TARS3: variants seen among roughly 807,000 people sequenced by gnomAD.
The protein encoded by TARS3 is threonyl-tRNA synthetase 3.
A neutral mutation model predicts 103.5 loss-of-function variants in TARS3; 94 were observed. The observed-to-expected ratio is 0.91, with a 90% CI of 0.77 to 1.08. TARS3 has a LOEUF of 1.08. TARS3 is among the 50% of genes least tolerant of loss of function. TARS3 has a pLI of 0.00. For synonymous variants in TARS3, 416 were observed against 355.4 expected (o/e 1.17, Z -1.92); for missense variants, 952 against 995.2 (o/e 0.96, Z 0.58).
chr15:101,721,152 C>T lies in TARS3; in HGVS notation c.540G>A (p.Thr180=), dbSNP rs756633863. 46 of 1,599,230 alleles carry T rather than the reference C, an allele frequency of 2.9e-5. No individual in the cohort carries two copies. Among genetic ancestry groups the T allele is most frequent in the Admixed American group, 3.3e-5 (2 of 59,808 alleles). Residue 180 remains threonine, a synonymous_variant, in exon 3 of 19, where the codon ACG becomes ACA. Coordinates refer to ENST00000335968, the MANE Select transcript of TARS3 (RefSeq NM_152334.3). ...QTVQGEVWKT[T]PYQVAAEISQ... is the part of the protein sequence containing the mutation. ...TAATTTCAGCAGCCACTTGGTAAGG[C>T]GTTGTTTTCCAGACTTCCCCTTGCA...
chr15:101,656,916 A>T lies in TARS3; in HGVS notation c.2260+6T>A. ...ATTTGGAAAAATATATACAAACTTAAATTACCCAAAATAAAATTATACTGA... is the reference window on the plus strand; with the variant it reads ...ATTTGGAAAAATATATACAAACTTATATTACCCAAAATAAAATTATACTGA... On this transcript the variant is annotated splice_donor_region_variant and intron_variant, in intron 18 of 18. Transcript: ENST00000335968. 6.3e-7 allele frequency: 1 copy of T among 1,578,972 alleles called. No individual in the cohort carries two copies. The highest frequency in any genetic ancestry group is 8.7e-7 in the Non-Finnish European group (1 of 1,155,510).
intron 18 of TARS3, among the ~76,000 whole-genome samples, chr15:101,655,454 T>C (rs1224788760): frequency 1.7e-3 from 175 of 102,826 alleles, no homozygotes; most frequent in Middle Eastern, 0.017. Flanking sequence ...TCACAGTGAC[T>C]CCACCTGGCA....
chr15:101,712,906 G>A (rs1899938869), intron 4 of TARS3, among the ~76,000 whole-genome samples: 1 of 152,250 alleles, frequency 6.6e-6, no homozygotes, highest in African/African-American at 2.4e-5. Flanking sequence ...AATAGGCTGG[G>A]ATATGATTTG....
intron 12 of TARS3, 48 bp from the exon 13 acceptor site, chr15:101,675,785 T>C: frequency 6.4e-7 from 1 of 1,557,396 alleles, no homozygotes; most frequent in Non-Finnish European, 8.8e-7. Flanking sequence ...CAAATTCATT[T>C]ATGTTTTAAA....
At position 101,724,281 on chromosome 15, in the gene TARS3, T is replaced by C. The variant is rs970589704; in HGVS notation, c.107A>G (p.Gln36Arg). 6 of 1,573,872 alleles carry C rather than the reference T, an allele frequency of 3.8e-6. No individual in the cohort carries two copies. In the South Asian group the frequency reaches 7.0e-5, roughly 18 times the overall value. ...CTGGCAGCTGTAGGGCGCGTTCAGC[T>C]GCTCGTCCCTCAGGCGCTCGACCTC... ...WSEVERLRDE[Q>R]LNAPYSCQAE... is the part of the protein sequence containing the mutation. The change falls in exon 1 of 19, where the codon CAG becomes CGG. Residue 36 changes from glutamine to arginine, a missense_variant. Gln to Arg is a conservative substitution (Grantham distance 43). This residue lies in a region of TARS3 where 412 missense variants were observed against 364.2 expected (regional missense o/e 1.13). Coordinates refer to ENST00000335968, the MANE Select transcript of TARS3 (RefSeq NM_152334.3).
intron 12 of TARS3, among the ~76,000 whole-genome samples, chr15:101,682,018 T>C (rs1898273798): frequency 1.3e-5 from 2 of 152,234 alleles, no homozygotes; most frequent in African/African-American, 4.8e-5. Flanking sequence ...TTTTCTAAAT[T>C]CACCTTACTT....
chr15:101,663,432 A>G (rs1007771335), intron 15 of TARS3, among the ~76,000 whole-genome samples: 2 of 152,252 alleles, frequency 1.3e-5, no homozygotes, highest in South Asian at 4.1e-4. Context: ...GGCCTATGCC[A>G]TCTAGGTTTG....
intron 10 of TARS3, among the ~76,000 whole-genome samples, chr15:101,691,189 T>A (rs1022673827): frequency 1.3e-5 from 2 of 152,036 alleles, no homozygotes; most frequent in South Asian, 4.1e-4. Context: ...TCCACCCGCC[T>A]CAGCCTCCCA....
At chr15:101,677,383 C>T (rs1898071082) in intron 12 of TARS3, among the ~76,000 whole-genome samples, 1 of 152,172 alleles carries the variant, frequency 6.6e-6, no homozygotes, top group South Asian at 2.1e-4. Flanking sequence ...GACACTGGAG[C>T]TCCTGGTTCT....
At chr15:101,685,427 C>T (rs865963310) in intron 11 of TARS3, among the ~76,000 whole-genome samples, 61 of 152,086 alleles carry the variant, frequency 4.0e-4, no homozygotes, top group Middle Eastern at 3.4e-3. Flanking sequence ...TGCTAAGATG[C>T]CACCAACTAT....
intron 3 of TARS3, among the ~76,000 whole-genome samples, chr15:101,717,484 A>C (rs1900211506): frequency 6.6e-6 from 1 of 151,646 alleles, no homozygotes; most frequent in Admixed American, 6.5e-5. Context: ...CTTCTTCTCC[A>C]GAAGGAGTTT....
Position 101,701,170 on chromosome 15 carries a change from G to A in TARS3, c.1236C>T (p.Phe412=), listed in dbSNP as rs547842463. ...HRKIGKEQEL[F]FFHDLSPGSC... ...TTCCAGGACTCAAATCGTGGAAAAA[G>A]AAAAGTTCTTGTTCCTAGATTGAAA... The change falls in exon 10 of 19, where the codon TTC becomes TTT. Residue 412 remains phenylalanine (F), a synonymous_variant. Coordinates refer to ENST00000335968, the MANE Select transcript of TARS3 (RefSeq NM_152334.3). 10 of 1,592,540 alleles carry A rather than the reference G, an allele frequency of 6.3e-6. No individual in the cohort carries two copies. The South Asian group carries it at 1.2e-4, about 19-fold the overall frequency.
intron 12 of TARS3, among the ~76,000 whole-genome samples, chr15:101,680,572 T>C (rs1898218840): frequency 6.6e-6 from 1 of 152,236 alleles, no homozygotes; most frequent in Non-Finnish European, 1.5e-5. Context: ...TTTTTACTTG[T>C]TCTTAGAGGG....
intron 5 of TARS3, among the ~76,000 whole-genome samples, chr15:101,711,313 A>C (rs1027453488): frequency 6.6e-6 from 1 of 152,260 alleles, no homozygotes; most frequent in African/African-American, 2.4e-5. Context: ...TAAATGCCTT[A>C]GACCATTTCT....
chr15:101,689,098 T>C (rs1328362304), intron 10 of TARS3, among the ~76,000 whole-genome samples: 2 of 152,190 alleles, frequency 1.3e-5, no homozygotes, highest in African/African-American at 2.4e-5. Context: ...GGGCTCCCTT[T>C]ACTATAGAAC....
chr15:101,670,526 C>T (rs990388077), intron 15 of TARS3, among the ~76,000 whole-genome samples: 2 of 152,318 alleles, frequency 1.3e-5, no homozygotes, highest in African/African-American at 4.8e-5. Flanking sequence ...ATATCAAGTA[C>T]TGGCAAGGAT....
intron 3 of TARS3, among the ~76,000 whole-genome samples, chr15:101,720,628 A>G (rs919846411): frequency 6.6e-6 from 1 of 152,188 alleles, no homozygotes; most frequent in Non-Finnish European, 1.5e-5. Context: ...AAAAAAATTA[A>G]ATACATTTAA....
intron 4 of TARS3, among the ~76,000 whole-genome samples, 178 bp from the exon 5 acceptor site, chr15:101,712,179 C>T (rs1312502288): frequency 6.6e-6 from 1 of 152,098 alleles, no homozygotes; most frequent in African/African-American, 2.4e-5. Context: ...CTTTCTGAGC[C>T]CTCCCTGACA....
rs112414244 is a variant in TARS3, at chr15:101,711,835, A to G, written c.812+45T>C. 177 of 1,601,686 alleles carry G rather than the reference A, an allele frequency of 1.1e-4. 1 individual carries two copies. In the African/African-American group the frequency reaches 2.0e-3, roughly 18 times the overall value. ...TAGTATGTAACCATTACAGAACAAT[A>G]CAATTGAAACACATGCATTCACAAG... On this transcript the variant is annotated intron_variant, in intron 5 of 18. Coordinates refer to ENST00000335968, the MANE Select transcript of TARS3 (RefSeq NM_152334.3).
Sources: gnomAD v4.1 joint callset for allele counts (sites outside exome capture counted in the v4.1 genomes callset) on GRCh38, gnomAD v4.1.1 for gene constraint, gnomAD v4.1.1 regional missense constraint, MANE v1.5 for transcripts, NCBI Gene and HGNC (gene_info 2026-07-23, HGNC 2026-07-21) for gene names.